The following VCP variants were observed in gnomAD, a reference collection of about 807,000 sequenced individuals.
VCP encodes transitional endoplasmic reticulum ATPase.
In VCP, 6 loss-of-function variants were observed where a neutral mutation model predicts 85.7. The observed-to-expected ratio is 0.07, with a 90% CI of 0.04 to 0.14. The LOEUF is 0.14. VCP is among the 10% of genes least tolerant of loss of function. VCP has a pLI of 1.00. For synonymous variants in VCP, 384 were observed against 367.1 expected, an observed-to-expected ratio of 1.05 and a Z score of -0.53; for missense variants, 353 against 1,043.4, an observed-to-expected ratio of 0.34 and a Z score of 9.12.
chr9:35,071,970 G>T, intron 1 of VCP: 2 of 1,076,972 alleles, frequency 1.9e-6, no homozygotes, highest in Non-Finnish European at 1.1e-6. Flanking sequence ...TAGGCCGGAC[G>T]GCAGACTGGC....
intron 4 of VCP, among the ~76,000 whole-genome samples, chr9:35,066,125 CAA>C (rs113734714): frequency 7.0e-6 from 1 of 142,158 alleles, no homozygotes; most frequent in Non-Finnish European, 1.5e-5. Flanking sequence ...CACTCTGTCT[CAA>C]AAAAAAAAGA....
chr9:35,065,851 A>C (rs1244561910), intron 4 of VCP, among the ~76,000 whole-genome samples: 1 of 152,204 alleles, frequency 6.6e-6, no homozygotes, highest in Non-Finnish European at 1.5e-5. Flanking sequence ...CAGGGTTTGC[A>C]TGTGTGTGTA....
rs886063892 is a variant in VCP at position 35,068,008 on chromosome 9, T to C, written c.185A>G (p.Lys62Arg). ...GATGCAAACAGCTTCTCGTCTCTTC[T>C]TTCCTTTCAGCAACACTGTGTCACC... The part of the protein sequence containing the change: ...FRGDTVLLKG[K>R]KRREAVCIVL... The change falls in exon 3 of 17, where the codon AAG becomes AGG. Residue 62 changes from lysine to arginine, a missense_variant. Around this residue, in one of 8 missense-constraint regions of VCP, gnomAD observed 69 missense variants for 132.9 expected, o/e 0.52. Coordinates refer to ENST00000358901, the MANE Select transcript of VCP (RefSeq NM_007126.5). 2.5e-6 allele frequency: 4 copies of C among 1,614,258 alleles called. No homozygotes were observed. The highest frequency in any genetic ancestry group is 3.4e-6 in the Non-Finnish European group (4 of 1,180,046).
Position 35,061,998 on chromosome 9 carries a change from C to T in VCP, c.1081+5G>A, listed in dbSNP as rs774553460. On this transcript the variant is annotated splice_donor_5th_base_variant and intron_variant, in intron 9 of 16. Transcript: ENST00000358901. ...GACGGGGTCAAAAGTATCTGGAGTC[C>T]TTACCAAATCGCCGTAGAGCTGGGT... 1 of 1,614,140 alleles carries T rather than the reference C, an allele frequency of 6.2e-7. No individual in the cohort carries two copies. The highest frequency in any genetic ancestry group is 1.1e-5 in the South Asian group (1 of 91,078).
In VCP at chr9:35,060,852, T is replaced by C. The variant is rs773682510; in HGVS notation, c.1431A>G (p.Glu477=). 1.9e-6 allele frequency: 3 copies of C among 1,614,140 alleles called. No homozygotes were observed. Among genetic ancestry groups the C allele is most frequent in the Non-Finnish European group, 2.5e-6 (3 of 1,180,004 alleles). The change falls in exon 12 of 17, where the codon GAA becomes GAG. Residue 477 remains glutamate, a synonymous_variant. Coordinates refer to ENST00000358901, the MANE Select transcript of VCP (RefSeq NM_007126.5). ...TVVEVPQVTW[E]DIGGLEDVKR... is the part of the protein sequence containing the mutation. ...TGACATCCTCTAGGCCCCCGATGTCTTCCCAGGTTACCTGTGGCACCTCTA... is the reference window on the plus strand; with the variant it reads ...TGACATCCTCTAGGCCCCCGATGTCCTCCCAGGTTACCTGTGGCACCTCTA...
chr9:35,064,357 C>T (rs1828786582), intron 5 of VCP, 72 bp from the exon 6 acceptor site: 2 of 1,594,416 alleles, frequency 1.3e-6, no homozygotes, highest in Admixed American at 1.7e-5. Context: ...TTCTCTAAAT[C>T]ATTCCACTAC....
At chr9:35,071,787 G>A in intron 1 of VCP, 1 of 988,362 alleles carries the variant, frequency 1.0e-6, no homozygotes, top group Non-Finnish European at 1.2e-6. Context: ...CTCCAAAAAG[G>A]CGGCTGTGAG....
chr9:35,072,246 C>G (rs954539900), intron 1 of VCP, 91 bp downstream of exon 1: 10 of 1,469,412 alleles, frequency 6.8e-6, no homozygotes, highest in Middle Eastern at 2.4e-4. Flanking sequence ...ACCTCTCTGA[C>G]GCGCCCACGG....
chr9:35,063,122 C>T (rs1168580876), intron 6 of VCP, 42 bp from the exon 7 acceptor site: 2 of 1,597,906 alleles, frequency 1.3e-6, no homozygotes, highest in Non-Finnish European at 1.7e-6. Context: ...CCACCTTCTC[C>T]CAAACCCTAA....
rs756573088 is a variant in VCP, at chr9:35,059,053, T to C, written c.2160+11A>G. 1.2e-6 allele frequency: 2 copies of C among 1,613,854 alleles called. No homozygotes were observed. Among genetic ancestry groups the C allele is most frequent in the East Asian group, 2.2e-5 (1 of 44,870 alleles). On this transcript the variant is annotated intron_variant, in intron 15 of 16. Transcript: ENST00000358901. This position sits in a 1 kb window ranked among gnomAD's most constrained non-coding sequence, Gnocchi z 4.9. ...ATGATTGGCACATCTGGGGAAAGGA[T>C]GCAGACTCACCATGGCTGATGGGTT...
At chr9:35,062,712 C>A (rs570699051) in intron 7 of VCP, among the ~76,000 whole-genome samples, 1 of 152,196 alleles carries the variant, frequency 6.6e-6, no homozygotes, top group African/African-American at 2.4e-5. Context: ...AATCACTAAC[C>A]ATTCACCCTT....
Position 35,072,177 on chromosome 9 carries a change from T to C in VCP, c.17+160A>G, listed in dbSNP as rs539532413. The C allele has an allele frequency of 2.0e-3, 2,803 of 1,416,440 alleles. 4 individuals carry two copies. The highest frequency in any genetic ancestry group is 2.4e-3 in the Non-Finnish European group (2,623 of 1,081,106). The allele number at this position is 1,416,440 out of a possible 1,614,324, so 87.7% of individuals were successfully genotyped here. A position where few individuals can be genotyped will look rare whatever the true frequency, so the allele number is the denominator to read the frequency against. ...GTGCGCAGCTGGCCCCAGCCGGGCC[T>C]GCCGGGTCCACGGCCCCTCACTCGC... On this transcript the variant is annotated intron_variant, in intron 1 of 16. Transcript: ENST00000358901.
intron 4 of VCP, among the ~76,000 whole-genome samples, chr9:35,066,436 A>G (rs1355503520): frequency 1.3e-5 from 2 of 150,942 alleles, no homozygotes; most frequent in Non-Finnish European, 3.0e-5. Flanking sequence ...CATGTTGGCC[A>G]GGCTGGTCTC....
intron 1 of VCP, among the ~76,000 whole-genome samples, chr9:35,070,415 G>T (rs560282047): frequency 6.6e-6 from 1 of 152,070 alleles, no homozygotes; most frequent in African/African-American, 2.4e-5. Flanking sequence ...AAAATAAAAC[G>T]CCAGATGCCT....
intron 16 of VCP, 70 bp from the exon 17 acceptor site, chr9:35,057,292 T>G: frequency 6.2e-7 from 1 of 1,613,772 alleles, no homozygotes; most frequent in South Asian, 1.1e-5. Context: ...CAACTACCCC[T>G]CTAGCTTCCT....
At chr9:35,057,603 C>T in intron 15 of VCP, 73 bp from the exon 16 acceptor site, 1 of 1,590,594 alleles carries the variant, frequency 6.3e-7, no homozygotes, top group Middle Eastern at 1.7e-4. Flanking sequence ...CCTCCCATTA[C>T]TGCAGTTTAT....
Position 35,056,287 on chromosome 9 carries a change from G to A in VCP, c.*830C>T, listed in dbSNP as rs1395200999. 6.6e-6 allele frequency: 1 copy of A among 152,212 alleles called. No homozygotes were observed. Among genetic ancestry groups the A allele is most frequent in the African/African-American group, 2.4e-5 (1 of 41,422 alleles). 9.4% of individuals were successfully genotyped at this position (152,212 alleles called of 1,614,324 possible). ...TTGGTCAGGATAAGGGATCCTGCAG[G>A]CCTAGCCTTACCGTCCACATCAAAT... is the stretch of plus-strand genomic sequence containing the variant. On this transcript the variant is annotated 3_prime_UTR_variant, in exon 17 of 17. Coordinates refer to ENST00000358901, the MANE Select transcript of VCP (RefSeq NM_007126.5).
chr9:35,062,851 A>G lies in VCP; in HGVS notation c.811+127T>C. The G allele has an allele frequency of 1.1e-5, 10 of 897,482 alleles. No individual in the cohort carries two copies. The South Asian group carries it at 1.3e-4, about 12-fold the overall frequency. 55.6% of individuals were successfully genotyped at this position (897,482 alleles called of 1,614,324 possible). A position where few individuals can be genotyped will look rare whatever the true frequency, so the allele number is the denominator to read the frequency against. On this transcript the variant is annotated intron_variant, in intron 7 of 16. Coordinates refer to ENST00000358901, the MANE Select transcript of VCP (RefSeq NM_007126.5). ...TCTTCTGTCTGTAACATACCCCAGC[A>G]TAAGAAATATGCTATAAACATGAAG...
At chr9:35,058,545 A>G (rs1376769286) in intron 15 of VCP, among the ~76,000 whole-genome samples, 1 of 152,096 alleles carries the variant, frequency 6.6e-6, no homozygotes, top group Non-Finnish European at 1.5e-5. Flanking sequence ...GGCACATCAC[A>G]AGGTCAGGAG....
Sources: allele counts gnomAD v4.1 joint callset (sites outside exome capture counted in the v4.1 genomes callset), GRCh38; gene constraint gnomAD v4.1.1; regional missense constraint gnomAD v4.1.1; non-coding constraint Gnocchi (gnomAD v3.1); transcripts MANE v1.5; gene names NCBI Gene and HGNC (gene_info 2026-07-23, HGNC 2026-07-21).